Variants in PCNX1 observed in about 807,000 individuals in gnomAD.
The protein encoded by PCNX1 is pecanex-like protein 1.
PCNX1 carries 78 observed loss-of-function variants against 242.2 expected under a neutral mutation model. The ratio of observed to expected loss-of-function variants is 0.32; its 90% confidence interval spans 0.27 to 0.39. The LOEUF (loss-of-function observed/expected upper bound fraction) is 0.39, where lower values mean the gene tolerates loss of function less well. Ranked by LOEUF, PCNX1 falls within the 10% of genes least tolerant of loss-of-function variation. The probability of loss-of-function intolerance (pLI) is 1.00; values close to 1 mark genes in which losing one functional copy is unlikely to be tolerated. For missense variants in PCNX1, 2,581 were observed against 2,856.5 expected, an observed-to-expected ratio of 0.90 and a Z score of 2.20; for synonymous variants, 1,024 against 1,032.9, an observed-to-expected ratio of 0.99 and a Z score of 0.17.
chr14:71,109,730 G>A lies in PCNX1; in HGVS notation c.6886-65G>A, dbSNP rs1017017760. On this transcript the variant is annotated intron_variant, in intron 35 of 35. Coordinates refer to ENST00000304743, the MANE Select transcript of PCNX1 (RefSeq NM_014982.3). ...TTGCTACTACTAATCCTAGGTAGGGGTAAGAGTTTGTGAGTATATTCCAGG... is the reference window on the plus strand; with the variant it reads ...TTGCTACTACTAATCCTAGGTAGGGATAAGAGTTTGTGAGTATATTCCAGG... 4 of 1,579,806 alleles carry A rather than the reference G, an allele frequency of 2.5e-6. No individual in the cohort carries two copies. The African/African-American group carries it at 4.0e-5, about 16-fold the overall frequency.
At chr14:70,941,932 G>A (rs537098975) in intron 1 of PCNX1, among the ~76,000 whole-genome samples, 1 of 152,236 alleles carries the variant, frequency 6.6e-6, no homozygotes, top group Admixed American at 6.5e-5. Context: ...CTCCGAACAA[G>A]GCGTGGGATA....
chr14:70,946,006 C>G (rs1172348418), intron 1 of PCNX1, among the ~76,000 whole-genome samples: 1 of 152,170 alleles, frequency 6.6e-6, no homozygotes, highest in Non-Finnish European at 1.5e-5. Context: ...TAGGCCTTGC[C>G]TTCCCAGTGA....
chr14:70,998,750 C>CAAA (rs34044438), intron 8 of PCNX1, among the ~76,000 whole-genome samples: 8 of 89,072 alleles, frequency 9.0e-5, no homozygotes, highest in Admixed American at 2.4e-4. Context: ...GACCCTATCT[C>CAAA]AAAAAAAAAA....
chr14:70,943,398 G>T (rs1466118535), intron 1 of PCNX1, among the ~76,000 whole-genome samples: 1 of 152,190 alleles, frequency 6.6e-6, no homozygotes, highest in African/African-American at 2.4e-5. Flanking sequence ...ACTTATTAGG[G>T]ACTGGAATAA....
At chr14:71,027,257 A>G (rs1192718072) in intron 15 of PCNX1, 2 of 154,556 alleles carry the variant, frequency 1.3e-5, no homozygotes, top group African/African-American at 4.8e-5. Flanking sequence ...TTAAACCAGT[A>G]TGTGCATTTA....
intron 5 of PCNX1, among the ~76,000 whole-genome samples, chr14:70,971,757 C>G (rs2058548929): frequency 6.6e-6 from 1 of 152,112 alleles, no homozygotes; most frequent in Non-Finnish European, 1.5e-5. Context: ...AGTGAGCTCT[C>G]AGGATATCTG....
intron 13 of PCNX1, among the ~76,000 whole-genome samples, chr14:71,025,580 T>C (rs2060220734): frequency 6.6e-6 from 1 of 152,044 alleles, no homozygotes; most frequent in South Asian, 2.1e-4. Context: ...CGTATATACA[T>C]ATATATTACC....
chr14:71,054,817 G>A (rs992382620), intron 24 of PCNX1, among the ~76,000 whole-genome samples: 8 of 152,138 alleles, frequency 5.3e-5, no homozygotes, highest in Non-Finnish European at 7.4e-5. Flanking sequence ...ATTTATTAAG[G>A]TTAATACTTT....
intron 3 of PCNX1, among the ~76,000 whole-genome samples, chr14:70,966,181 A>G (rs1490844259): frequency 6.6e-6 from 1 of 152,154 alleles, no homozygotes; most frequent in Non-Finnish European, 1.5e-5. Flanking sequence ...TTTTGAGGGG[A>G]AGCATAATGC....
intron 25 of PCNX1, among the ~76,000 whole-genome samples, chr14:71,056,803 C>T (rs2061194058): frequency 6.6e-6 from 1 of 152,008 alleles, no homozygotes; most frequent in African/African-American, 2.4e-5. Flanking sequence ...CTCAGCCTCC[C>T]ATGTAGCTGG....
At chr14:71,092,569 G>C (rs1205894981) in intron 30 of PCNX1, 5 of 152,266 alleles carry the variant, frequency 3.3e-5, no homozygotes, top group African/African-American at 4.8e-5. Flanking sequence ...TGAGGAAAAA[G>C]GTTATCTGCC....
chr14:70,969,981 AAC>A (rs1231715084), intron 5 of PCNX1: 4 of 149,340 alleles, frequency 2.7e-5, no homozygotes, highest in Admixed American at 2.0e-4. Context: ...CAAATAGAGA[AAC>A]ACACGCACAC....
chr14:71,044,814 C>T (rs2060812585), intron 19 of PCNX1, among the ~76,000 whole-genome samples: 1 of 152,206 alleles, frequency 6.6e-6, no homozygotes, highest in Non-Finnish European at 1.5e-5. Flanking sequence ...TAATACATTG[C>T]TCTGAACATC....
Position 71,073,794 on chromosome 14 carries a change from T to C in PCNX1, c.5102T>C (p.Val1701Ala). 1 of 1,599,042 alleles carries C rather than the reference T, an allele frequency of 6.3e-7. No individual in the cohort carries two copies. The highest frequency in any genetic ancestry group is 1.1e-5 in the South Asian group (1 of 89,018). ...DLRKVLTTYY[V>A]KGIIYYVTTS... ...CGGAAAGTACTCACCACTTACTATGTCAAGGTAGGAGTATGTGCCTACTTA... is the reference window on the plus strand; with the variant it reads ...CGGAAAGTACTCACCACTTACTATGCCAAGGTAGGAGTATGTGCCTACTTA... The change falls in exon 27 of 36, where the codon GTC (valine) becomes GCC (alanine). Residue 1701 changes from valine to alanine, a missense_variant. By Grantham distance (64) the Val-to-Ala change is moderately conservative (BLOSUM62 0). Transcript: ENST00000304743.
chr14:70,949,363 A>G (rs1431143209), intron 2 of PCNX1, among the ~76,000 whole-genome samples: 1 of 143,074 alleles, frequency 7.0e-6, no homozygotes, highest in Admixed American at 6.9e-5. Context: ...GCATATATAC[A>G]TATATAGACA....
At chr14:71,026,701 A>G in intron 14 of PCNX1, 71 bp from the exon 15 acceptor site, 1 of 622,452 alleles carries the variant, frequency 1.6e-6, no homozygotes, top group Non-Finnish European at 2.7e-6. Context: ...TTTAAAAATT[A>G]TGACCTCTCA....
chr14:71,050,476 G>A (rs149323831), intron 22 of PCNX1, among the ~76,000 whole-genome samples, 176 bp from the exon 23 acceptor site: 277 of 152,240 alleles, frequency 1.8e-3, no homozygotes, highest in African/African-American at 6.4e-3. Context: ...AGAAATAAGT[G>A]CAGTGTTTAG....
chr14:70,974,556 T>C (rs1307255000), intron 5 of PCNX1, among the ~76,000 whole-genome samples: 2 of 152,244 alleles, frequency 1.3e-5, no homozygotes, highest in East Asian at 1.9e-4. Flanking sequence ...GACATTGTTA[T>C]ACTTTTTGTG....
At chr14:71,007,191 G>A (rs944706647) in intron 8 of PCNX1, among the ~76,000 whole-genome samples, 6 of 151,188 alleles carry the variant, frequency 4.0e-5, no homozygotes, top group Non-Finnish European at 8.9e-5. Context: ...GTTTAGAAAA[G>A]CTTTTTTTTT....
Sources: gnomAD v4.1 joint callset for allele counts (sites outside exome capture counted in the v4.1 genomes callset) on GRCh38, gnomAD v4.1.1 for gene constraint, MANE v1.5 for transcripts, NCBI Gene and HGNC (gene_info 2026-07-23, HGNC 2026-07-21) for gene names.